The following ADCY1 variants were observed in gnomAD, a reference collection of about 807,000 sequenced individuals.
ADCY1 encodes the protein adenylate cyclase 1, also known as adenylate cyclase type 1.
Under a neutral mutation model 105.4 loss-of-function variants are expected in ADCY1, and 28 were observed. That is an observed-to-expected ratio of 0.27 (90% CI 0.20 to 0.36). ADCY1 has a LOEUF of 0.36. Ranked by LOEUF, ADCY1 falls within the 10% of genes least tolerant of loss-of-function variation. ADCY1 has a pLI of 1.00. For missense variants in ADCY1, 977 were observed against 1,434.2 expected (o/e 0.68, Z 5.15); for synonymous variants, 655 against 623.8 (o/e 1.05, Z -0.75).
chr7:45,689,261 G>C (rs928374142), intron 14 of ADCY1, among the ~76,000 whole-genome samples: 1 of 152,050 alleles, frequency 6.6e-6, no homozygotes, highest in African/African-American at 2.4e-5. Flanking sequence ...GAGTGGGAGG[G>C]GACCCTGGTG....
intron 3 of ADCY1, among the ~76,000 whole-genome samples, chr7:45,610,759 T>TGG (rs1562686978): frequency 3.8e-3 from 5 of 1,328 alleles, no homozygotes; most frequent in Non-Finnish European, 5.8e-3. Context: ...GATGGAGGTG[T>TGG]AGAGGTGATA....
At chr7:45,678,583 G>A (rs1784504517) in intron 10 of ADCY1, among the ~76,000 whole-genome samples, 1 of 152,044 alleles carries the variant, frequency 6.6e-6, no homozygotes, top group African/African-American at 2.4e-5. Context: ...CACCATTGCT[G>A]TAATAATAGC....
At chr7:45,654,687 T>G (rs2116087798) in intron 5 of ADCY1, among the ~76,000 whole-genome samples, 1 of 152,362 alleles carries the variant, frequency 6.6e-6, no homozygotes, top group African/African-American at 2.4e-5. Context: ...GATTCTAGTT[T>G]TCAGAGCCAG....
chr7:45,597,042 G>T (rs1793093889), intron 2 of ADCY1, among the ~76,000 whole-genome samples: 1 of 152,200 alleles, frequency 6.6e-6, no homozygotes, highest in African/African-American at 2.4e-5. Context: ...CAAAATAGGA[G>T]TTTGGCTCAG....
chr7:45,621,583 G>A (rs925706373), intron 3 of ADCY1, among the ~76,000 whole-genome samples: 5 of 152,208 alleles, frequency 3.3e-5, no homozygotes, highest in Admixed American at 3.3e-4. Context: ...CATGCGGAAC[G>A]GTTGGATAAG....
Position 45,575,206 on chromosome 7 carries a change from A to G in ADCY1, c.639+24A>G. Reference sequence around the variant, plus strand: ...CGGTAAGTGCAGCCGCGCACCCCTCATCTGGTCTCGGACACACTTGCTGGG... The same window carrying G: ...CGGTAAGTGCAGCCGCGCACCCCTCGTCTGGTCTCGGACACACTTGCTGGG... On this transcript the variant is annotated intron_variant, in intron 1 of 19. Coordinates refer to ENST00000297323, the MANE Select transcript of ADCY1 (RefSeq NM_021116.4). This position sits in a 1 kb window ranked among gnomAD's most constrained non-coding sequence, Gnocchi z 4.7. The G allele has an allele frequency of 1.3e-6, 2 of 1,559,244 alleles. No individual in the cohort carries two copies. Among genetic ancestry groups the G allele is most frequent in the Non-Finnish European group, 1.7e-6 (2 of 1,154,804 alleles).
chr7:45,614,714 A>G (rs1240351073), intron 3 of ADCY1, among the ~76,000 whole-genome samples: 1 of 152,194 alleles, frequency 6.6e-6, no homozygotes, highest in African/African-American at 2.4e-5. Context: ...TGAGACCCCA[A>G]ATAGAGCAAA....
rs1342673570 is a variant in ADCY1, at chr7:45,703,807, G to C, written c.2718+61G>C. 4.0e-6 allele frequency: 6 copies of C among 1,512,208 alleles called. No individual in the cohort carries two copies. Among genetic ancestry groups the C allele is most frequent in the Non-Finnish European group, 5.3e-6 (6 of 1,126,916 alleles). The allele number at this position is 1,512,208 out of a possible 1,614,324, so 93.7% of individuals were successfully genotyped here. ...TTGTGGTGGTGCATCCTGTTGCGTG[G>C]GCAGAGCGTGTCTCACAATATGTCA... On this transcript the variant is annotated intron_variant, in intron 16 of 19. Transcript: ENST00000297323. The surrounding 1 kb of genome is among the most constrained non-coding windows in gnomAD (Gnocchi z 5.9).
intron 4 of ADCY1, among the ~76,000 whole-genome samples, chr7:45,639,249 C>T (rs1794477540): frequency 6.6e-6 from 1 of 152,166 alleles, no homozygotes; most frequent in Admixed American, 6.5e-5. Context: ...GACCTTTTCC[C>T]CATTTATTGG....
At position 45,575,194 on chromosome 7, in the gene ADCY1, C is replaced by G; in HGVS notation, c.639+12C>G. 6.3e-7 allele frequency: 1 copy of G among 1,579,148 alleles called. No homozygotes were observed. The highest frequency in any genetic ancestry group is 1.4e-5 in the African/African-American group (1 of 73,866). ...GTCTCTGGAGGACGGTAAGTGCAGC[C>G]GCGCACCCCTCATCTGGTCTCGGAC... On this transcript the variant is annotated intron_variant, in intron 1 of 19. Coordinates refer to ENST00000297323, the MANE Select transcript of ADCY1 (RefSeq NM_021116.4). The surrounding 1 kb of genome is among the most constrained non-coding windows in gnomAD (Gnocchi z 4.7).
chr7:45,613,775 A>G (rs1185778865), intron 3 of ADCY1, among the ~76,000 whole-genome samples: 1 of 152,206 alleles, frequency 6.6e-6, no homozygotes, highest in Non-Finnish European at 1.5e-5. Context: ...ACAGAAAGGA[A>G]AAAGTGATTT....
chr7:45,610,681 GAGGCGAGGAGGTGATAGT>G (rs1793511733), intron 3 of ADCY1, among the ~76,000 whole-genome samples, 184 bp downstream of exon 3: 1 of 147,076 alleles, frequency 6.8e-6, no homozygotes, highest in Non-Finnish European at 1.5e-5. Context: ...GTGATAGGTG[GAGGCGAGGAGGTGATAGT>G]GGAGGTGATG....
chr7:45,613,911 C>T (rs1793660315), intron 3 of ADCY1, among the ~76,000 whole-genome samples: 1 of 152,156 alleles, frequency 6.6e-6, no homozygotes, highest in Non-Finnish European at 1.5e-5. Flanking sequence ...AATACTATGC[C>T]TAGCAAAAGT....
chr7:45,666,138 C>G (rs991065942), intron 8 of ADCY1, among the ~76,000 whole-genome samples: 1 of 151,942 alleles, frequency 6.6e-6, no homozygotes, highest in African/African-American at 2.4e-5. Context: ...TTTTCTCTCT[C>G]TTTTTTTTAA....
intron 5 of ADCY1, among the ~76,000 whole-genome samples, chr7:45,655,887 C>T (rs563018142): frequency 2.6e-5 from 4 of 152,176 alleles, no homozygotes; most frequent in South Asian, 4.2e-4. Context: ...TACATTTTCC[C>T]GTACTCATTT....
intron 5 of ADCY1, among the ~76,000 whole-genome samples, chr7:45,656,302 C>CAA (rs199852262): frequency 4.5e-5 from 5 of 110,546 alleles, no homozygotes; most frequent in Admixed American, 9.4e-5. Flanking sequence ...AACTCCGTCT[C>CAA]AAAAAAAAAA....
chr7:45,682,914 A>G (rs1266123198), intron 11 of ADCY1, among the ~76,000 whole-genome samples: 4 of 152,104 alleles, frequency 2.6e-5, no homozygotes, highest in Non-Finnish European at 4.4e-5. Context: ...CACAGAGGGG[A>G]GTGTAGCACC....
chr7:45,702,607 G>T (rs1785019523), intron 14 of ADCY1, among the ~76,000 whole-genome samples: 1 of 152,326 alleles, frequency 6.6e-6, no homozygotes, highest in South Asian at 2.1e-4. Flanking sequence ...GCCTCCTAGG[G>T]CTGTGCTGGG....
chr7:45,579,809 C>A (rs1489338260), intron 1 of ADCY1, among the ~76,000 whole-genome samples: 1 of 152,152 alleles, frequency 6.6e-6, no homozygotes, highest in East Asian at 1.9e-4. Context: ...CATGGCCCCC[C>A]ACAGTGTGCT....
Sources: allele counts gnomAD v4.1 joint callset (sites outside exome capture counted in the v4.1 genomes callset), GRCh38; gene constraint gnomAD v4.1.1; non-coding constraint Gnocchi (gnomAD v3.1); transcripts MANE v1.5; gene names NCBI Gene and HGNC (gene_info 2026-07-23, HGNC 2026-07-21).